The following NTSR2 variants were observed in gnomAD, a reference collection of about 807,000 sequenced individuals.
NTSR2 encodes the protein neurotensin receptor type 2.
In NTSR2, 22 loss-of-function variants were observed where a neutral mutation model predicts 24.1. The ratio of observed to expected loss-of-function variants is 0.91; its 90% CI spans 0.65 to 1.30. NTSR2 has a LOEUF of 1.30. NTSR2 is among the 50% of genes most tolerant of loss of function. NTSR2 has a pLI of 0.00. For missense variants in NTSR2, 570 were observed against 570.4 expected (o/e 1.00, Z 0.01); for synonymous variants, 291 against 267.0 (o/e 1.09, Z -0.88).
chr2:11,662,749 C>G (rs537341808), intron 1 of NTSR2, among the ~76,000 whole-genome samples: 2 of 152,284 alleles, frequency 1.3e-5, no homozygotes, highest in South Asian at 4.1e-4. Context: ...CCACTGCACT[C>G]CAGCCTGGGC....
At chr2:11,669,407 A>T in intron 1 of NTSR2, 99 bp downstream of exon 1, 1 of 960,268 alleles carries the variant, frequency 1.0e-6, no homozygotes, top group Non-Finnish European at 1.4e-6. Context: ...GGCGAGCATT[A>T]GAGTCGAAAA....
In NTSR2 at chr2:11,658,665, G is replaced by A; in HGVS notation, c.1047C>T (p.Val349=). 1.2e-6 allele frequency: 2 copies of A among 1,614,174 alleles called. No homozygotes were observed. The highest frequency in any genetic ancestry group is 2.2e-5 in the South Asian group (2 of 91,080). The stretch of plus-strand genomic sequence containing the variant: ...AGAGAAGAGGAGTCACAGCTGAGCT[G>A]ACGTAGAAAAGTGTGTTGGTCACCA... ...FYMVTNTLFY[V]SSAVTPLLYN... Residue 349 remains valine, a synonymous_variant, in exon 4 of 4, where the codon GTC becomes GTT. Transcript: ENST00000306928.
intron 1 of NTSR2, among the ~76,000 whole-genome samples, chr2:11,663,247 C>T (rs1661119514): frequency 6.6e-6 from 1 of 152,048 alleles, no homozygotes; most frequent in Non-Finnish European, 1.5e-5. Context: ...AAGAGGAAGA[C>T]CTGTCATTCA....
At chr2:11,669,459 C>CGGGGGCGGGGG in intron 1 of NTSR2, 47 bp downstream of exon 1, 5 of 337,888 alleles carry the variant, frequency 1.5e-5, no homozygotes, top group Admixed American at 4.9e-5. Context: ...CTCCCAGCAC[C>CGGGGGCGGGGG]GCCCCCCCAC....
At chr2:11,669,460 G>GGGGGGGGGGGGGGGGGGCCCCCC in intron 1 of NTSR2, 46 bp downstream of exon 1, 3 of 254,726 alleles carry the variant, frequency 1.2e-5, no homozygotes, top group Non-Finnish European at 1.4e-5. Flanking sequence ...TCCCAGCACC[G>GGGGGGGGGGGGGGGGGGCCCCCC]CCCCCCCACC....
chr2:11,669,468 ACCC>A, intron 1 of NTSR2, 35 bp downstream of exon 1: 2 of 81,058 alleles, frequency 2.5e-5, no homozygotes, highest in Non-Finnish European at 2.2e-5. Flanking sequence ...CCGCCCCCCC[ACCC>A]CCCCTCCCCC....
In NTSR2 at chr2:11,669,551, C is replaced by T. The variant is rs1051965133; in HGVS notation, c.579G>A (p.Val193=). 23 of 1,545,544 alleles carry T rather than the reference C, an allele frequency of 1.5e-5. No homozygotes were observed. The highest frequency in any genetic ancestry group is 7.5e-5 in the Admixed American group (4 of 53,532). ...ADGEPEPASR[V]CTVLVSRTAL... ...CGGTGCGGCTCACCAGCACCGTGCA[C>T]ACTCGCGAGGCGGGCTCCGGCTCCC... The change falls in exon 1 of 4, where the codon GTG becomes GTA. Residue 193 remains valine (V), a synonymous_variant. Coordinates refer to ENST00000306928, the MANE Select transcript of NTSR2 (RefSeq NM_012344.4).
chr2:11,658,411 C>T lies in NTSR2; in HGVS notation c.*68G>A. 1.3e-6 allele frequency: 2 copies of T among 1,522,336 alleles called. No homozygotes were observed. Among genetic ancestry groups the T allele is most frequent in the Non-Finnish European group, 8.8e-7 (1 of 1,134,920 alleles). 94.3% of individuals were successfully genotyped at this position (1,522,336 alleles called of 1,614,324 possible). ...GCTTGAATGATTAGTGATGAGGTTG[C>T]TCACCTGCTTTGCCAGGTGACTAAG... On this transcript the variant is annotated 3_prime_UTR_variant, in exon 4 of 4. Coordinates refer to ENST00000306928, the MANE Select transcript of NTSR2 (RefSeq NM_012344.4).
chr2:11,669,460 GCCCCCCCACCC>G, intron 1 of NTSR2, 35 bp downstream of exon 1: 1 of 254,724 alleles, frequency 3.9e-6, no homozygotes, highest in Non-Finnish European at 6.9e-6. Flanking sequence ...TCCCAGCACC[GCCCCCCCACCC>G]CCCCTCCCCC....
Position 11,669,869 on chromosome 2 carries a change from C to T in NTSR2, c.261G>A (p.Val87=), listed in dbSNP as rs751353044. ...ACACGAAGCTGTAGAGCTCCACCGG[C>T]ACGCCGACCAGCAGCAGCAGCAGGC... ...LAGLLLLLVG[V]PVELYSFVWF... Residue 87 remains valine, a synonymous_variant, in exon 1 of 4, where the codon GTG becomes GTA. Transcript: ENST00000306928. The T allele has an allele frequency of 6.3e-7, 1 of 1,585,540 alleles. No individual in the cohort carries two copies. The highest frequency in any genetic ancestry group is 2.3e-5 in the East Asian group (1 of 44,016).
Position 11,669,852 on chromosome 2 carries a change from C to T in NTSR2, c.278G>A (p.Ser93Asn). Reference protein sequence around the residue: ...LLVGVPVELYSFVWFHYPWVF... With the variant: ...LLVGVPVELYNFVWFHYPWVF... ...CCAGGGGTAGTGGAACCACACGAAG[C>T]TGTAGAGCTCCACCGGCACGCCGAC... The change falls in exon 1 of 4, where the codon AGC becomes AAC. Residue 93 changes from serine to asparagine, a missense_variant. Transcript: ENST00000306928. 1.9e-6 allele frequency: 3 copies of T among 1,584,916 alleles called. No homozygotes were observed. The highest frequency in any genetic ancestry group is 2.6e-6 in the Non-Finnish European group (3 of 1,172,128).
rs1263430445 is a variant in NTSR2 at position 11,659,855 on chromosome 2, T to C, written c.989+188A>G. The stretch of plus-strand genomic sequence containing the variant: ...ACGCACACGGCCTTACCAGGTCAGA[T>C]ACAATGTTCTGTTCCCCATCCCTGG... On this transcript the variant is annotated intron_variant, in intron 3 of 3. Transcript: ENST00000306928. Among the ~76,000 whole-genome samples, 4 of 152,242 alleles carry C rather than the reference T, an allele frequency of 2.6e-5. No homozygotes were observed. The South Asian group carries it at 8.3e-4, about 32-fold the overall frequency.
chr2:11,660,222 G>T, intron 2 of NTSR2, 89 bp from the exon 3 acceptor site: 1 of 981,420 alleles, frequency 1.0e-6, no homozygotes, highest in Non-Finnish European at 1.6e-6. Flanking sequence ...TGATGCCCGA[G>T]GGGATAGCAG....
chr2:11,661,826 T>G, intron 2 of NTSR2, 141 bp downstream of exon 2: 1 of 702,582 alleles, frequency 1.4e-6, no homozygotes, highest in Non-Finnish European at 2.3e-6. Context: ...GTCTGTTGGT[T>G]ATACAGTTCC....
intron 1 of NTSR2, chr2:11,665,766 C>G (rs960831026): frequency 3.9e-5 from 6 of 152,322 alleles, no homozygotes; most frequent in African/African-American, 1.4e-4. Context: ...CACAGAAGCC[C>G]TACTTCCATG....
chr2:11,669,113 C>T (rs1465180452), intron 1 of NTSR2, among the ~76,000 whole-genome samples: 1 of 152,128 alleles, frequency 6.6e-6, no homozygotes, highest in African/African-American at 2.4e-5. Flanking sequence ...CCCACCCTAC[C>T]TCCAGGGAGG....
In NTSR2 at chr2:11,669,948, C is replaced by G; in HGVS notation, c.182G>C (p.Arg61Pro). Residue 61 changes from arginine (R) to proline (P), a missense_variant, in exon 1 of 4, where the codon CGG becomes CCG. Physicochemically the swap from Arg to Pro is moderately radical, Grantham distance 103 (BLOSUM62 -2). Coordinates refer to ENST00000306928, the MANE Select transcript of NTSR2 (RefSeq NM_012344.4). ...ALSAHVVLKA[R>P]AGRAGRLRHH... Reference sequence around the variant, plus strand: ...GCGCAGGCGCCCCGCGCGCCCGGCCCGCGCCTTCAGCACCACGTGCGCGGA... The same window carrying G: ...GCGCAGGCGCCCCGCGCGCCCGGCCGGCGCCTTCAGCACCACGTGCGCGGA... 6 of 1,512,358 alleles carry G rather than the reference C, an allele frequency of 4.0e-6. No homozygotes were observed. Among genetic ancestry groups the G allele is most frequent in the Non-Finnish European group, 5.3e-6 (6 of 1,137,192 alleles). The allele number at this position is 1,512,358 out of a possible 1,614,324, so 93.7% of individuals were successfully genotyped here. A position where few individuals can be genotyped will look rare whatever the true frequency, so the allele number is the denominator to read the frequency against.
At position 11,658,639 on chromosome 2, in the gene NTSR2, TAGAGA is replaced by T. The variant is rs752833441; in HGVS notation, c.1068_1072del (p.Leu357GlnfsTer59). On this transcript the variant is annotated frameshift_variant, in exon 4 of 4. Coordinates refer to ENST00000306928, the MANE Select transcript of NTSR2 (RefSeq NM_012344.4). LOFTEE classifies it low-confidence loss of function (END_TRUNC). Reference sequence around the variant, plus strand: ...TCTGAAGGAGGAGGACACGGCGTTGTAGAGAAGAGGAGTCACAGCTGAGCTGACGT... The same window carrying T: ...TCTGAAGGAGGAGGACACGGCGTTGTAGAGGAGTCACAGCTGAGCTGACGT... The T allele has an allele frequency of 6.2e-7, 1 of 1,614,136 alleles. No homozygotes were observed. Among genetic ancestry groups the T allele is most frequent in the Non-Finnish European group, 8.5e-7 (1 of 1,180,022 alleles).
chr2:11,669,460 G>GGGGGGGGCCCCCCCCCCCCCCCCCCC, intron 1 of NTSR2, 46 bp downstream of exon 1: 2 of 254,726 alleles, frequency 7.9e-6, no homozygotes, highest in Non-Finnish European at 1.4e-5. Flanking sequence ...TCCCAGCACC[G>GGGGGGGGCCCCCCCCCCCCCCCCCCC]CCCCCCCACC....
Sources: gnomAD v4.1 joint callset for allele counts (sites outside exome capture counted in the v4.1 genomes callset) on GRCh38, gnomAD v4.1.1 for gene constraint, MANE v1.5 for transcripts, NCBI Gene and HGNC (gene_info 2026-07-23, HGNC 2026-07-21) for gene names.